LRRC8C: variants seen among roughly 807,000 people sequenced by gnomAD.
The protein encoded by LRRC8C is volume-regulated anion channel subunit LRRC8C.
In LRRC8C, 20 loss-of-function variants were observed where a neutral mutation model predicts 55.3. The ratio of observed to expected loss-of-function variants is 0.36; its 90% CI spans 0.25 to 0.53. LRRC8C has a LOEUF of 0.53. Among genes scored for constraint, LRRC8C ranks in the 20% least tolerant of loss-of-function variants. The probability of loss-of-function intolerance (pLI) is 0.92; values close to 1 mark genes in which losing one functional copy is unlikely to be tolerated. For missense variants in LRRC8C, 659 were observed against 951.4 expected (o/e 0.69, Z 4.04); for synonymous variants, 376 against 360.7 (o/e 1.04, Z -0.48).
chr1:89,672,135 G>A (rs1012021239), intron 1 of LRRC8C, among the ~76,000 whole-genome samples: 8 of 152,190 alleles, frequency 5.3e-5, no homozygotes, highest in South Asian at 4.1e-4. Flanking sequence ...AAGCCATTAC[G>A]TTGCAGACCC....
At chr1:89,677,631 C>A (rs553383433) in intron 1 of LRRC8C, among the ~76,000 whole-genome samples, 76 of 152,296 alleles carry the variant, frequency 5.0e-4, no homozygotes, top group Middle Eastern at 6.8e-3. Flanking sequence ...GTTCCTTGGG[C>A]AAGTCACCTA....
intron 2 of LRRC8C, among the ~76,000 whole-genome samples, chr1:89,705,231 C>G: frequency 7.7e-6 from 1 of 129,260 alleles, no homozygotes; most frequent in Non-Finnish European, 1.5e-5. Context: ...AGTGAGAACA[C>G]ATGGACACAG....
At chr1:89,628,467 G>A (rs1656028435), upstream of LRRC8C, among the ~76,000 whole-genome samples, 1 of 152,146 alleles carries the variant, frequency 6.6e-6, no homozygotes, top group South Asian at 2.1e-4. Context: ...ATAGCTCACT[G>A]TAACCTGTAA....
chr1:89,682,507 G>T (rs1018621426), intron 1 of LRRC8C, among the ~76,000 whole-genome samples: 3 of 152,166 alleles, frequency 2.0e-5, no homozygotes, highest in African/African-American at 7.2e-5. Flanking sequence ...TGGAAGCCTG[G>T]CAACCTAGAC....
At chr1:89,633,046 T>A (rs1656157033), upstream of LRRC8C, 1 of 151,714 alleles carries the variant, frequency 6.6e-6, no homozygotes, top group African/African-American at 2.4e-5. Context: ...CCGGGCTGCG[T>A]GCGGGGCGGC....
intron 1 of LRRC8C, among the ~76,000 whole-genome samples, chr1:89,648,078 TAA>T (rs1656661764): frequency 6.6e-6 from 1 of 152,074 alleles, no homozygotes; most frequent in Non-Finnish European, 1.5e-5. Context: ...CAAAAATAAA[TAA>T]AATTAATTTT....
chr1:89,657,829 A>T lies in LRRC8C; in HGVS notation c.-5+24507A>T, dbSNP rs1198553771. Among the ~76,000 whole-genome samples the T allele has an allele frequency of 5.3e-5, 8 of 152,044 alleles. No individual in the cohort carries two copies. The East Asian group carries it at 1.5e-3, about 29-fold the overall frequency. On this transcript the variant is annotated intron_variant, in intron 1 of 2. Coordinates refer to ENST00000370454, the MANE Select transcript of LRRC8C (RefSeq NM_032270.5). ...TTTCAGGGGACCTATTCTTCAAAAGAAGGGAAAAATTTTAAACCTGAACTG... is the reference window on the plus strand; with the variant it reads ...TTTCAGGGGACCTATTCTTCAAAAGTAGGGAAAAATTTTAAACCTGAACTG...
At chr1:89,692,752 A>G (rs565193529) in intron 2 of LRRC8C, among the ~76,000 whole-genome samples, 1 of 152,292 alleles carries the variant, frequency 6.6e-6, no homozygotes, top group East Asian at 1.9e-4. Flanking sequence ...ACAGTCATAC[A>G]CCCTCAAGGA....
intron 1 of LRRC8C, among the ~76,000 whole-genome samples, chr1:89,643,707 G>T (rs913373321): frequency 6.6e-6 from 1 of 152,100 alleles, no homozygotes; most frequent in African/African-American, 2.4e-5. Flanking sequence ...CTAGTTTATT[G>T]TCACAGCTTT....
In LRRC8C at chr1:89,714,086, C is replaced by A. The variant is rs1158812882; in HGVS notation, c.1516C>A (p.Leu506Ile). Residue 506 changes from leucine (L) to isoleucine (I), a missense_variant, in exon 3 of 3, where the codon CTC becomes ATC. Physicochemically the swap from Leu to Ile is conservative, Grantham distance 5 (BLOSUM62 2). This residue lies in a region of LRRC8C where 344 missense variants were observed against 464.6 expected (regional missense o/e 0.74). Transcript: ENST00000370454. This position sits in a 1 kb window ranked among gnomAD's most constrained non-coding sequence, Gnocchi z 4.6. ...CGTCAAGTTTGATGACATGAGGGAA[C>A]TCCCCCCCTGGATGTATGGGCTCCG... Reference protein sequence around the residue: ...LSVKFDDMRELPPWMYGLRNL... With the variant: ...LSVKFDDMREIPPWMYGLRNL... 6.2e-7 allele frequency: 1 copy of A among 1,613,956 alleles called. No individual in the cohort carries two copies. The highest frequency in any genetic ancestry group is 1.7e-5 in the Admixed American group (1 of 60,000).
At chr1:89,634,376 C>T (rs1354115099) in intron 1 of LRRC8C, among the ~76,000 whole-genome samples, 1 of 152,162 alleles carries the variant, frequency 6.6e-6, no homozygotes, top group Non-Finnish European at 1.5e-5. Flanking sequence ...TTTAAAGCAG[C>T]CTTTGAAGGA....
intron 1 of LRRC8C, among the ~76,000 whole-genome samples, chr1:89,643,636 TG>T (rs1557646483): frequency 6.6e-6 from 1 of 152,264 alleles, no homozygotes; most frequent in African/African-American, 2.4e-5. Context: ...GTTGTGTTTT[TG>T]TAAGTTTACC....
chr1:89,623,584 T>A, the LRRC8C span, among the ~76,000 whole-genome samples: 4 of 152,146 alleles, frequency 2.6e-5, no homozygotes, highest in Non-Finnish European at 4.4e-5. Context: ...TAGCCGGGCA[T>A]GGTGGCATGT....
intron 1 of LRRC8C, among the ~76,000 whole-genome samples, chr1:89,682,267 T>C (rs1367945336): frequency 6.6e-6 from 1 of 152,246 alleles, no homozygotes; most frequent in Non-Finnish European, 1.5e-5. Flanking sequence ...TCTTATATTC[T>C]ATCTTATCTA....
At chr1:89,712,436 A>G (rs1658676441) in intron 2 of LRRC8C, among the ~76,000 whole-genome samples, 1 of 152,186 alleles carries the variant, frequency 6.6e-6, no homozygotes, top group Non-Finnish European at 1.5e-5. Context: ...AAATACATGA[A>G]TGTTCCCTAA....
intron 1 of LRRC8C, among the ~76,000 whole-genome samples, chr1:89,669,682 G>C (rs1362014334): frequency 6.6e-6 from 1 of 152,148 alleles, no homozygotes; most frequent in Non-Finnish European, 1.5e-5. Flanking sequence ...TGGTCACCCA[G>C]CTTACAAGTG....
intron 1 of LRRC8C, among the ~76,000 whole-genome samples, chr1:89,664,191 G>A (rs559293875): frequency 4.6e-5 from 7 of 152,050 alleles, no homozygotes; most frequent in Non-Finnish European, 1.0e-4. Flanking sequence ...ATTGCTTTTG[G>A]TGTTTTAGTC....
intron 1 of LRRC8C, among the ~76,000 whole-genome samples, chr1:89,637,228 C>T (rs1656314632): frequency 1.3e-5 from 2 of 151,800 alleles, no homozygotes; most frequent in African/African-American, 2.4e-5. Context: ...GCATGTCAAC[C>T]GTATTTGAGT....
intron 2 of LRRC8C, among the ~76,000 whole-genome samples, chr1:89,703,701 C>G (rs984753134): frequency 6.6e-6 from 1 of 151,880 alleles, no homozygotes; most frequent in Non-Finnish European, 1.5e-5. Context: ...TAGATAACAT[C>G]TAGAAGAACA....
Sources: gnomAD v4.1 joint callset for allele counts (sites outside exome capture counted in the v4.1 genomes callset) on GRCh38, gnomAD v4.1.1 for gene constraint, gnomAD v4.1.1 regional missense constraint, Gnocchi (gnomAD v3.1) non-coding constraint, MANE v1.5 for transcripts, NCBI Gene and HGNC (gene_info 2026-07-23, HGNC 2026-07-21) for gene names.